PIGT: variants seen among roughly 807,000 people sequenced by gnomAD.
PIGT encodes phosphatidylinositol glycan anchor biosynthesis class T, also known as GPI-anchor transamidase component PIGT.
In PIGT, 57 loss-of-function variants were observed where a neutral mutation model predicts 66.7. The observed-to-expected ratio is 0.86, with a 90% CI of 0.69 to 1.07. The LOEUF is 1.07. Ranked by LOEUF, PIGT falls within the 50% of genes least tolerant of loss-of-function variation. The probability of loss-of-function intolerance (pLI) is 0.00; values close to 1 mark genes in which losing one functional copy is unlikely to be tolerated. For missense variants in PIGT, 725 were observed against 740.4 expected, an observed-to-expected ratio of 0.98 and a Z score of 0.24; for synonymous variants, 362 against 320.5, an observed-to-expected ratio of 1.13 and a Z score of -1.38.
intron 8 of PIGT, 38 bp from the exon 9 acceptor site, chr20:45,421,345 C>A: frequency 6.4e-7 from 1 of 1,572,480 alleles, no homozygotes. Context: ...TGATTCTTAC[C>A]TTTGGCAGCT....
rs1241952517 is a variant in PIGT at position 45,416,666 on chromosome 20, T to C, written c.337T>C (p.Trp113Arg). The C allele has an allele frequency of 6.2e-7, 1 of 1,613,854 alleles. No homozygotes were observed. Residue 113 changes from tryptophan to arginine, a missense_variant, in exon 2 of 12, where the codon TGG (tryptophan) becomes CGG (arginine). Physicochemically the swap from Trp to Arg is moderately radical, Grantham distance 101 (BLOSUM62 -3). Transcript: ENST00000279036. The part of the protein sequence containing the change: ...FLQAPSGAEL[W>R]VWFQDTVTDV... ...GCAGGCCCCATCAGGTGCAGAGCTGTGGGTCTGGTTCCAAGACACTGTCAC... is the reference window on the plus strand; with the variant it reads ...GCAGGCCCCATCAGGTGCAGAGCTGCGGGTCTGGTTCCAAGACACTGTCAC...
chr20:45,421,125 C>A (rs1242811131), intron 8 of PIGT: 3 of 555,138 alleles, frequency 5.4e-6, no homozygotes, highest in Non-Finnish European at 9.6e-6. Flanking sequence ...GCAGAATATC[C>A]TGAGAGGACC....
Position 45,423,873 on chromosome 20 carries a change from C to A in PIGT, c.1235-343C>A. The A allele has an allele frequency of 9.7e-6, 3 of 309,590 alleles. No homozygotes were observed. In the South Asian group the frequency reaches 1.3e-4, roughly 13 times the overall value. 19.2% of individuals were successfully genotyped at this position (309,590 alleles called of 1,614,324 possible). The stretch of plus-strand genomic sequence containing the variant: ...TTTAGAAACCTGATTAGATTCATGT[C>A]CCACATTTTTGGCAAGAAAAATTCC... On this transcript the variant is annotated intron_variant, in intron 9 of 11. Transcript: ENST00000279036.
chr20:45,422,936 G>A (rs1990460780), intron 9 of PIGT: 1 of 152,046 alleles, frequency 6.6e-6, no homozygotes, highest in Non-Finnish European at 1.5e-5. Context: ...GGTGGGCACA[G>A]TGGTGCACAC....
chr20:45,420,715 CT>C (rs1242163491), intron 8 of PIGT, 22 bp downstream of exon 8: 2 of 1,612,864 alleles, frequency 1.2e-6, no homozygotes, highest in Non-Finnish European at 1.7e-6. Context: ...GTTGGTTGGA[CT>C]GCTGGGTTGC....
At chr20:45,421,795 T>G in intron 9 of PIGT, 1 of 582,598 alleles carries the variant, frequency 1.7e-6, no homozygotes, top group East Asian at 2.9e-5. Context: ...TTAAAACACA[T>G]AATACTGGTG....
chr20:45,417,172 A>C (rs535918592), intron 2 of PIGT: 1 of 153,236 alleles, frequency 6.5e-6, no homozygotes, highest in Admixed American at 6.5e-5. Context: ...TGCTGTGGCT[A>C]TCCTGTTTAG....
chr20:45,422,599 CT>C (rs1445611847), intron 9 of PIGT: 8 of 152,070 alleles, frequency 5.3e-5, no homozygotes, highest in African/African-American at 1.9e-4. Flanking sequence ...ACCGCCATGC[CT>C]TTAATTTTTT....
Position 45,420,232 on chromosome 20 carries a change from C to T in PIGT, c.769+9C>T. The stretch of plus-strand genomic sequence containing the variant: ...GGGGCAGGGAAAGAAAGGTAAGTTA[C>T]CTTGGCAACTCATCTGTACCCACCC... On this transcript the variant is annotated intron_variant, in intron 6 of 11. Transcript: ENST00000279036. 3.7e-6 allele frequency: 6 copies of T among 1,607,644 alleles called. No homozygotes were observed. The highest frequency in any genetic ancestry group is 5.1e-6 in the Non-Finnish European group (6 of 1,176,046).
At chr20:45,420,106 C>T in intron 5 of PIGT, 30 bp from the exon 6 acceptor site, 1 of 1,520,642 alleles carries the variant, frequency 6.6e-7, no homozygotes, top group Non-Finnish European at 9.1e-7. Flanking sequence ...GTGATACCCC[C>T]TCACTGCTGC....
intron 8 of PIGT, chr20:45,420,988 T>C (rs1198969346): frequency 3.8e-6 from 2 of 530,544 alleles, no homozygotes; most frequent in Non-Finnish European, 6.8e-6. Flanking sequence ...GAATTCATAC[T>C]AAGTGCCAGG....
intron 5 of PIGT, 105 bp downstream of exon 5, chr20:45,419,695 A>T (rs1990226785): frequency 1.2e-6 from 1 of 820,658 alleles, no homozygotes; most frequent in African/African-American, 1.7e-5. Flanking sequence ...ACTGAGTGGT[A>T]GATGTGATGA....
chr20:45,421,953 A>G (rs1005937545), intron 9 of PIGT: 1 of 165,378 alleles, frequency 6.0e-6, no homozygotes, highest in African/African-American at 2.4e-5. Context: ...CTAGGAAGAT[A>G]GCAGAGCTGG....
At position 45,416,621 on chromosome 20, in the gene PIGT, T is replaced by C; in HGVS notation, c.292T>C (p.Tyr98His). 6.2e-7 allele frequency: 1 copy of C among 1,614,178 alleles called. No individual in the cohort carries two copies. ...SFTQGFWRTR[Y>H]WGPPFLQAPS... ...CACACAAGGCTTTTGGAGGACCCGATACTGGGGGCCACCCTTCCTGCAGGC... is the reference window on the plus strand; with the variant it reads ...CACACAAGGCTTTTGGAGGACCCGACACTGGGGGCCACCCTTCCTGCAGGC... Residue 98 changes from tyrosine to histidine, a missense_variant, in exon 2 of 12, where the codon TAC (tyrosine) becomes CAC (histidine). Physicochemically the swap from Tyr to His is moderately conservative, Grantham distance 83. Coordinates refer to ENST00000279036, the MANE Select transcript of PIGT (RefSeq NM_015937.6).
At chr20:45,419,977 C>G (rs915394734) in intron 5 of PIGT, 159 bp from the exon 6 acceptor site, 2 of 626,024 alleles carry the variant, frequency 3.2e-6, no homozygotes, top group African/African-American at 3.7e-5. Flanking sequence ...GCTGTCAGCA[C>G]GGGGTCTGGC....
intron 3 of PIGT, 158 bp downstream of exon 3, chr20:45,419,137 C>A: frequency 9.0e-7 from 1 of 1,115,736 alleles, no homozygotes; most frequent in Non-Finnish European, 1.3e-6. Flanking sequence ...CATGCCTTTT[C>A]CCAAGGAGAG....
intron 8 of PIGT, chr20:45,421,076 T>TA: frequency 1.9e-6 from 1 of 514,416 alleles, no homozygotes; most frequent in Admixed American, 3.4e-5. Context: ...GTCAGTTAAT[T>TA]AATTACAGTT....
Position 45,426,055 on chromosome 20 carries a change from A to C in PIGT, c.*229A>C. On this transcript the variant is annotated 3_prime_UTR_variant, in exon 12 of 12. Transcript: ENST00000279036. ...CCTCACCTGTAGTGGCCACCTCTATATTGAGGTGCTCAATAAGCAAAAGTG... is the reference window on the plus strand; with the variant it reads ...CCTCACCTGTAGTGGCCACCTCTATCTTGAGGTGCTCAATAAGCAAAAGTG... The C allele has an allele frequency of 5.2e-6, 3 of 581,720 alleles. No individual in the cohort carries two copies. The highest frequency in any genetic ancestry group is 2.9e-5 in the East Asian group (1 of 34,650). 36.0% of individuals were successfully genotyped at this position (581,720 alleles called of 1,614,324 possible). A position where few individuals can be genotyped will look rare whatever the true frequency, so the allele number is the denominator to read the frequency against.
At chr20:45,421,308 C>A in intron 8 of PIGT, 75 bp from the exon 9 acceptor site, 2 of 1,324,304 alleles carry the variant, frequency 1.5e-6, no homozygotes, top group South Asian at 1.4e-5. Context: ...GGACTCTGAA[C>A]ATGGCCTGGG....
Sources: allele counts gnomAD v4.1 joint callset, GRCh38; gene constraint gnomAD v4.1.1; transcripts MANE v1.5; gene names NCBI Gene and HGNC (gene_info 2026-07-23, HGNC 2026-07-21).